EPB41L4A: variants seen among roughly 807,000 people sequenced by gnomAD.
The protein encoded by EPB41L4A is erythrocyte membrane protein band 4.1 like 4A, also known as band 4.1-like protein 4A.
In EPB41L4A, 100 loss-of-function variants were observed where a neutral mutation model predicts 108.6. That is an observed-to-expected ratio of 0.92 (90% CI 0.78 to 1.09). EPB41L4A has a LOEUF of 1.09. Ranked by LOEUF, EPB41L4A falls within the 50% of genes least tolerant of loss-of-function variation. The pLI is 0.00. For missense variants in EPB41L4A, 1,030 were observed against 842.7 expected (o/e 1.22, Z -2.75); for synonymous variants, 319 against 289.0 (o/e 1.10, Z -1.05).
At chr5:112,285,438 C>A (rs1484045844) in intron 2 of EPB41L4A, among the ~76,000 whole-genome samples, 4 of 152,132 alleles carry the variant, frequency 2.6e-5, no homozygotes, top group Non-Finnish European at 2.9e-5. Flanking sequence ...GCTATTTGTG[C>A]TTTTCCCACT....
At chr5:112,359,545 T>C (rs1253569549) in intron 1 of EPB41L4A, among the ~76,000 whole-genome samples, 1 of 51,352 alleles carries the variant, frequency 1.9e-5, no homozygotes, top group African/African-American at 9.0e-5. Context: ...GAAAGTCTTC[T>C]TTTTTTTTTT....
chr5:112,183,635 A>T (rs962244979), intron 18 of EPB41L4A, among the ~76,000 whole-genome samples: 7 of 152,188 alleles, frequency 4.6e-5, no homozygotes, highest in Non-Finnish European at 1.0e-4. Context: ...AGATATTCAC[A>T]TCTGGTTCAG....
chr5:112,343,782 T>C (rs1252330000), intron 1 of EPB41L4A, among the ~76,000 whole-genome samples: 1 of 152,242 alleles, frequency 6.6e-6, no homozygotes, highest in Admixed American at 6.5e-5. Flanking sequence ...AAAACCACTG[T>C]TTCTGAAAAC....
intron 9 of EPB41L4A, chr5:112,250,814 C>T (rs1316942543): frequency 2.0e-5 from 3 of 152,132 alleles, no homozygotes; most frequent in African/African-American, 7.2e-5. Context: ...TGCAATAGCT[C>T]TAAGTGGCCC....
At chr5:112,157,799 A>T (rs1759703174), downstream of EPB41L4A, among the ~76,000 whole-genome samples, 1 of 152,216 alleles carries the variant, frequency 6.6e-6, no homozygotes, top group Admixed American at 6.5e-5. Flanking sequence ...TTAGGACATG[A>T]ATATCTTTTG....
chr5:112,262,500 G>A lies in EPB41L4A; in HGVS notation c.636C>T (p.Pro212=), dbSNP rs200335056. The A allele has an allele frequency of 2.3e-4, 370 of 1,612,938 alleles. No individual in the cohort carries two copies. Among genetic ancestry groups the A allele is most frequent in the Non-Finnish European group, 2.9e-4 (344 of 1,179,218 alleles). ...SLEMYGVDLH[P]VYGENKSEYF... is the part of the protein sequence containing the mutation. ...TTAATTAAATGTTACTCACATAGAC[G>A]GGATGGAGGTCAACGCCATACATCT... Residue 212 remains proline (P), a synonymous_variant, in exon 7 of 23, where the codon CCC becomes CCT. Coordinates refer to ENST00000261486, the MANE Select transcript of EPB41L4A (RefSeq NM_022140.5).
At position 112,278,281 on chromosome 5, in the gene EPB41L4A, G is replaced by A. The variant is rs112666961; in HGVS notation, c.256+1991C>T. Among the ~76,000 whole-genome samples the A allele has an allele frequency of 4.8e-5, 7 of 144,592 alleles. 1 individual carries two copies. Among genetic ancestry groups the A allele is most frequent in the East Asian group, 4.1e-4 (2 of 4,930 alleles). The allele number at this position is 144,592 out of a possible 152,430, so 94.9% of individuals were successfully genotyped here. On this transcript the variant is annotated intron_variant, in intron 3 of 22. Transcript: ENST00000261486. The stretch of plus-strand genomic sequence containing the variant: ...TTTTTTTTTTTTGAGATGGAGTCTC[G>A]CTCTGTCATCCAGGCTGGAGTGCAG...
intron 6 of EPB41L4A, chr5:112,263,821 T>C: frequency 6.6e-6 from 1 of 152,494 alleles, no homozygotes; most frequent in East Asian, 1.9e-4. Flanking sequence ...TTTTTCTTTT[T>C]TTTTTTTTGA....
chr5:112,401,125 T>C (rs995811782), intron 1 of EPB41L4A, among the ~76,000 whole-genome samples: 3 of 152,224 alleles, frequency 2.0e-5, no homozygotes, highest in Non-Finnish European at 4.4e-5. Context: ...CTGATTTTCC[T>C]GGCCCCTATC....
At position 112,193,656 on chromosome 5, in the gene EPB41L4A, A is replaced by T. The variant is rs1025523212; in HGVS notation, c.1502+912T>A. Among the ~76,000 whole-genome samples the T allele has an allele frequency of 2.0e-5, 3 of 152,218 alleles. No homozygotes were observed. The South Asian group carries it at 6.2e-4, about 31-fold the overall frequency. On this transcript the variant is annotated intron_variant, in intron 17 of 22. Transcript: ENST00000261486. ...CCCAGAAAAGTAAAGCAACCAAGCC[A>T]GAGGTCCACATTAGGTGAAAACAGG...
At chr5:112,178,742 C>G (rs776057220) in intron 18 of EPB41L4A, among the ~76,000 whole-genome samples, 3 of 150,984 alleles carry the variant, frequency 2.0e-5, no homozygotes, top group Admixed American at 6.6e-5. Context: ...AAAACAATGT[C>G]AAAAACATGT....
chr5:112,361,042 G>C (rs567890364), intron 1 of EPB41L4A, among the ~76,000 whole-genome samples: 3 of 152,078 alleles, frequency 2.0e-5, no homozygotes, highest in African/African-American at 7.2e-5. Context: ...CATTGAGAAC[G>C]GGCCATGATG....
intron 1 of EPB41L4A, among the ~76,000 whole-genome samples, chr5:112,308,008 A>G (rs1754804852): frequency 6.6e-6 from 1 of 152,180 alleles, no homozygotes; most frequent in Non-Finnish European, 1.5e-5. Context: ...TGTTCTGAAA[A>G]GCCCCTGTGA....
chr5:112,419,201 C>G lies in EPB41L4A; in HGVS notation c.-162G>C, dbSNP rs1762918541. 1.9e-6 allele frequency: 1 copy of G among 514,752 alleles called. No individual in the cohort carries two copies. Among genetic ancestry groups the G allele is most frequent in the East Asian group, 3.7e-5 (1 of 27,324 alleles). The allele number at this position is 514,752 out of a possible 1,614,324, so 31.9% of individuals were successfully genotyped here. On this transcript the variant is annotated 5_prime_UTR_variant, in exon 1 of 23. Transcript: ENST00000261486. ...GGGGACCGGCCGCCGAACCGCCCGG[C>G]GGGGCGGGAGCGAGAAAGGCGGAAA...
At chr5:112,301,225 T>C (rs1335289015) in intron 2 of EPB41L4A, among the ~76,000 whole-genome samples, 1 of 152,264 alleles carries the variant, frequency 6.6e-6, no homozygotes, top group South Asian at 2.1e-4. Context: ...TGAAGAACAT[T>C]CTTTTATCAT....
At chr5:112,256,463 C>T (rs149432734) in intron 9 of EPB41L4A, among the ~76,000 whole-genome samples, 2 of 152,104 alleles carry the variant, frequency 1.3e-5, no homozygotes, top group African/African-American at 4.8e-5. Flanking sequence ...AAATTAAGAA[C>T]TCAGCTGGAA....
intron 18 of EPB41L4A, 100 bp from the exon 19 acceptor site, chr5:112,171,092 C>A: frequency 1.9e-6 from 2 of 1,058,020 alleles, no homozygotes; most frequent in Non-Finnish European, 2.9e-6. Flanking sequence ...TTCTTATTTG[C>A]CAGCTGAGAA....
intron 7 of EPB41L4A, among the ~76,000 whole-genome samples, chr5:112,261,682 T>A (rs1751494509): frequency 6.6e-6 from 1 of 152,174 alleles, no homozygotes; most frequent in Admixed American, 6.5e-5. Context: ...CTGAAAAAAA[T>A]CTGCAAAAAT....
rs144414875 is a variant in EPB41L4A, at chr5:112,221,072, T to C, written c.1088-11090A>G. Among the ~76,000 whole-genome samples, 379 of 152,324 alleles carry C rather than the reference T, an allele frequency of 2.5e-3. 2 individuals carry two copies. Among genetic ancestry groups the C allele is most frequent in the African/African-American group, 9.0e-3 (374 of 41,576 alleles). ...TTGTACACTTTTCTCTTGTTAATCT[T>C]TTGTTATGGGGACCTCAGCCATGAA... is the stretch of plus-strand genomic sequence containing the variant. On this transcript the variant is annotated intron_variant, in intron 12 of 22. Coordinates refer to ENST00000261486, the MANE Select transcript of EPB41L4A (RefSeq NM_022140.5).
Sources: allele counts gnomAD v4.1 joint callset (sites outside exome capture counted in the v4.1 genomes callset), GRCh38; gene constraint gnomAD v4.1.1; transcripts MANE v1.5; gene names NCBI Gene and HGNC (gene_info 2026-07-23, HGNC 2026-07-21).